The following RPS6KC1 variants were observed in gnomAD, a reference collection of about 807,000 sequenced individuals.
RPS6KC1 encodes the protein inactive ribosomal protein S6 kinase delta-1.
A neutral mutation model predicts 103.8 loss-of-function variants in RPS6KC1; 54 were observed. That is an observed-to-expected ratio of 0.52 (90% CI 0.42 to 0.65). The LOEUF is 0.65. Ranked by LOEUF, RPS6KC1 falls within the 30% of genes least tolerant of loss-of-function variation. The pLI, the probability that RPS6KC1 is intolerant of heterozygous loss-of-function variation, is 0.00. For missense variants in RPS6KC1, 1,151 were observed against 1,253.8 expected, an observed-to-expected ratio of 0.92 and a Z score of 1.24; for synonymous variants, 439 against 438.7, an observed-to-expected ratio of 1.00 and a Z score of -0.01.
chr1:213,162,662 G>A (rs1015541853), intron 6 of RPS6KC1, among the ~76,000 whole-genome samples: 11 of 152,270 alleles, frequency 7.2e-5, no homozygotes, highest in South Asian at 2.1e-4. Context: ...ATAGGTTAGG[G>A]AGCAGAAAGA....
chr1:213,623,359 C>T, the RPS6KC1 span, among the ~76,000 whole-genome samples: 3 of 152,086 alleles, frequency 2.0e-5, no homozygotes, highest in South Asian at 2.1e-4. Flanking sequence ...CCATTTATCT[C>T]GCCATTTAAC....
chr1:213,381,193 T>G, the RPS6KC1 span, among the ~76,000 whole-genome samples: 5 of 152,104 alleles, frequency 3.3e-5, no homozygotes, highest in Non-Finnish European at 7.4e-5. Flanking sequence ...GGAAGCAAGA[T>G]AGTGGGATTC....
At chr1:213,467,331 A>G in the RPS6KC1 span, among the ~76,000 whole-genome samples, 2 of 152,258 alleles carry the variant, frequency 1.3e-5, no homozygotes, top group Non-Finnish European at 2.9e-5. Context: ...TAACGCCACA[A>G]GCAATTATAG....
the RPS6KC1 span, among the ~76,000 whole-genome samples, chr1:213,644,945 C>T: frequency 6.6e-6 from 1 of 152,138 alleles, no homozygotes; most frequent in Non-Finnish European, 1.5e-5. Flanking sequence ...TATTGAAGGG[C>T]ATTGTTACTA....
the RPS6KC1 span, among the ~76,000 whole-genome samples, chr1:213,805,998 TC>T: frequency 6.6e-6 from 1 of 152,188 alleles, no homozygotes; most frequent in Non-Finnish European, 1.5e-5. Context: ...TTGAGAGGAA[TC>T]TTTTTTCTGA....
chr1:213,689,919 A>G, the RPS6KC1 span, among the ~76,000 whole-genome samples: 1 of 152,192 alleles, frequency 6.6e-6, no homozygotes, highest in African/African-American at 2.4e-5. Flanking sequence ...ACAGAAGTGC[A>G]GTCTCATGGA....
At chr1:213,284,995 G>A in the RPS6KC1 span, among the ~76,000 whole-genome samples, 1 of 152,232 alleles carries the variant, frequency 6.6e-6, no homozygotes, top group Non-Finnish European at 1.5e-5. Flanking sequence ...AAGGGCACAT[G>A]TGGTTATCAA....
the RPS6KC1 span, among the ~76,000 whole-genome samples, chr1:213,411,375 A>G: frequency 6.6e-6 from 1 of 152,290 alleles, no homozygotes; most frequent in Middle Eastern, 3.4e-3. Context: ...GATGTCCCTC[A>G]TCTCTTGTGA....
chr1:213,814,331 G>A, the RPS6KC1 span, among the ~76,000 whole-genome samples: 1 of 152,244 alleles, frequency 6.6e-6, no homozygotes, highest in Non-Finnish European at 1.5e-5. Flanking sequence ...CTCTTGGGAT[G>A]AGGGCAGCAA....
At chr1:213,591,928 C>T in the RPS6KC1 span, among the ~76,000 whole-genome samples, 3 of 152,134 alleles carry the variant, frequency 2.0e-5, no homozygotes, top group Non-Finnish European at 2.9e-5. Context: ...GATGTGTCTG[C>T]CCCAGGAAGG....
chr1:213,517,612 A>G, the RPS6KC1 span, among the ~76,000 whole-genome samples: 29 of 151,986 alleles, frequency 1.9e-4, no homozygotes, highest in Non-Finnish European at 3.7e-4. Context: ...TATAATTTCT[A>G]TTCTTTTACA....
the RPS6KC1 span, among the ~76,000 whole-genome samples, chr1:213,585,886 A>G: frequency 6.6e-6 from 1 of 152,264 alleles, no homozygotes; most frequent in African/African-American, 2.4e-5. Flanking sequence ...AGGGCCCAGG[A>G]GCTGTGTTTT....
chr1:213,368,754 A>G, the RPS6KC1 span, among the ~76,000 whole-genome samples: 1 of 152,224 alleles, frequency 6.6e-6, no homozygotes, highest in Non-Finnish European at 1.5e-5. Context: ...CCTGCAAAAG[A>G]GAGCTGGCCA....
chr1:213,804,681 C>G, the RPS6KC1 span, among the ~76,000 whole-genome samples: 1 of 152,192 alleles, frequency 6.6e-6, no homozygotes, highest in Non-Finnish European at 1.5e-5. Context: ...GTAGAACTTG[C>G]CAGATCTTTA....
the RPS6KC1 span, among the ~76,000 whole-genome samples, chr1:213,580,044 G>A: frequency 0.43 from 66,010 of 151,764 alleles, 15,654 homozygotes; most frequent in African/African-American, 0.64. Context: ...TATTTAAAAC[G>A]TACATTTTGT....
the RPS6KC1 span, among the ~76,000 whole-genome samples, chr1:213,288,574 T>C: frequency 6.6e-6 from 1 of 152,236 alleles, no homozygotes; most frequent in Non-Finnish European, 1.5e-5. Context: ...CCTATAGATA[T>C]ATGGTGTGAT....
intron 3 of RPS6KC1, among the ~76,000 whole-genome samples, chr1:213,089,523 G>T (rs540470527): frequency 6.6e-6 from 1 of 151,532 alleles, no homozygotes; most frequent in Non-Finnish European, 1.5e-5. Flanking sequence ...GTGCAGTGGT[G>T]CAATCTTGGC....
the RPS6KC1 span, among the ~76,000 whole-genome samples, chr1:213,598,127 G>A: frequency 4.6e-5 from 7 of 152,138 alleles, no homozygotes; most frequent in African/African-American, 1.7e-4. Context: ...CCAGCCCCAG[G>A]AGAATAACCA....
At chr1:213,389,091 C>T in the RPS6KC1 span, among the ~76,000 whole-genome samples, 1 of 150,490 alleles carries the variant, frequency 6.6e-6, no homozygotes, top group Non-Finnish European at 1.5e-5. Context: ...GTCAGTGGTT[C>T]TTAATGTTTG....
Sources: gnomAD v4.1 joint callset for allele counts (sites outside exome capture counted in the v4.1 genomes callset) on GRCh38, gnomAD v4.1.1 for gene constraint, MANE v1.5 for transcripts, NCBI Gene and HGNC (gene_info 2026-07-23, HGNC 2026-07-21) for gene names.